The following HPSE2 variants were observed in gnomAD, a reference collection of about 807,000 sequenced individuals.
HPSE2 encodes the protein heparanase 2 (inactive), also known as inactive heparanase-2.
HPSE2 carries 38 observed loss-of-function variants against 60.5 expected under a neutral mutation model. The ratio of observed to expected loss-of-function variants is 0.63; its 90% CI spans 0.48 to 0.82. The LOEUF is 0.82. HPSE2 is among the 40% of genes least tolerant of loss of function. The pLI is 0.00. For missense variants in HPSE2, 713 were observed against 740.4 expected, an observed-to-expected ratio of 0.96 and a Z score of 0.43; for synonymous variants, 295 against 293.2, an observed-to-expected ratio of 1.01 and a Z score of -0.06.
intron 3 of HPSE2, among the ~76,000 whole-genome samples, chr10:99,129,558 C>T (rs372317661): frequency 1.8e-4 from 27 of 151,822 alleles, no homozygotes; most frequent in East Asian, 7.7e-4. Flanking sequence ...GAAATCAAGA[C>T]GGAAATTTTT....
intron 6 of HPSE2, among the ~76,000 whole-genome samples, chr10:98,648,060 A>G (rs1485877649): frequency 2.0e-5 from 3 of 152,334 alleles, no homozygotes; most frequent in African/African-American, 7.2e-5. Context: ...TGAAAGAATG[A>G]GTGCCTGTAT....
At chr10:98,550,562 A>G (rs574084580) in intron 9 of HPSE2, among the ~76,000 whole-genome samples, 1 of 149,326 alleles carries the variant, frequency 6.7e-6, no homozygotes, top group East Asian at 2.0e-4. Flanking sequence ...TCCACCTCCC[A>G]GGTTCATGCC....
At chr10:98,557,001 G>C (rs1350546653) in intron 9 of HPSE2, among the ~76,000 whole-genome samples, 1 of 150,620 alleles carries the variant, frequency 6.6e-6, no homozygotes, top group East Asian at 2.0e-4. Context: ...CTCGAGGTCA[G>C]GAGATTGAGA....
At position 98,476,742 on chromosome 10, in the gene HPSE2, A is replaced by G. The variant is rs1941039063; in HGVS notation, c.1613+5894T>C. Among the ~76,000 whole-genome samples the G allele has an allele frequency of 2.0e-5, 3 of 152,116 alleles. No homozygotes were observed. The South Asian group carries it at 6.2e-4, about 32-fold the overall frequency. The stretch of plus-strand genomic sequence containing the variant: ...GGGGCAGAGGTTGCAGTGAGCTGAG[A>G]TCACACCACTGCACTCCAGCCTGGG... On this transcript the variant is annotated intron_variant, in intron 11 of 11. Coordinates refer to ENST00000370552, the MANE Select transcript of HPSE2 (RefSeq NM_021828.5).
intron 2 of HPSE2, among the ~76,000 whole-genome samples, chr10:99,170,358 C>G (rs956289461): frequency 5.3e-5 from 8 of 152,136 alleles, no homozygotes; most frequent in African/African-American, 1.9e-4. Context: ...CAAGTCTGCT[C>G]CAGCTCCCTC....
intron 9 of HPSE2, among the ~76,000 whole-genome samples, chr10:98,596,306 CA>C (rs1163404934): frequency 6.7e-6 from 1 of 149,762 alleles, no homozygotes; most frequent in Non-Finnish European, 1.5e-5. Context: ...TATCCCCTAA[CA>C]AATTATTGTT....
chr10:99,084,572 T>C (rs1486831849), intron 3 of HPSE2, among the ~76,000 whole-genome samples: 2 of 152,172 alleles, frequency 1.3e-5, no homozygotes, highest in Admixed American at 6.5e-5. Flanking sequence ...TGAGTTTCCC[T>C]GGGGAACCAT....
At chr10:98,873,979 T>G (rs2134844580) in intron 3 of HPSE2, among the ~76,000 whole-genome samples, 1 of 152,314 alleles carries the variant, frequency 6.6e-6, no homozygotes, top group East Asian at 1.9e-4. Context: ...TTGAGCTTTT[T>G]TTCATATGTT....
intron 6 of HPSE2, among the ~76,000 whole-genome samples, chr10:98,679,640 A>C (rs1268474835): frequency 6.6e-6 from 1 of 152,050 alleles, no homozygotes; most frequent in Non-Finnish European, 1.5e-5. Flanking sequence ...TTGAAGTCCT[A>C]ATGTTTTTCT....
intron 5 of HPSE2, among the ~76,000 whole-genome samples, chr10:98,715,721 A>G (rs1948774584): frequency 6.6e-6 from 1 of 152,096 alleles, no homozygotes; most frequent in African/African-American, 2.4e-5. Flanking sequence ...ACCTTAATTC[A>G]AAATACTTTA....
Position 99,024,119 on chromosome 10 carries a change from T to G in HPSE2, c.610+120119A>C, listed in dbSNP as rs191166754. Among the ~76,000 whole-genome samples, 901 of 152,316 alleles carry G rather than the reference T, an allele frequency of 5.9e-3. 10 individuals carry two copies. Among genetic ancestry groups the G allele is most frequent in the African/African-American group, 0.02 (842 of 41,580 alleles). On this transcript the variant is annotated intron_variant, in intron 3 of 11. Transcript: ENST00000370552. The stretch of plus-strand genomic sequence containing the variant: ...ATAACCCAGAGAAGGAATTCAGAAT[T>G]CTATCAGATACATTTAACAAAGAGA...
At chr10:98,900,187 T>C (rs1406803869) in intron 3 of HPSE2, among the ~76,000 whole-genome samples, 1 of 152,132 alleles carries the variant, frequency 6.6e-6, no homozygotes, top group Non-Finnish European at 1.5e-5. Context: ...AACTCAAATG[T>C]CCATCAATAA....
chr10:98,514,003 A>G (rs10883113), intron 9 of HPSE2, among the ~76,000 whole-genome samples: 70,927 of 152,028 alleles, frequency 0.47, 19,582 homozygotes, highest in South Asian at 0.63. Context: ...AAACAGCCCA[A>G]GAGTCCATCA....
chr10:99,152,551 C>T (rs1003624367), intron 2 of HPSE2, among the ~76,000 whole-genome samples: 1 of 151,716 alleles, frequency 6.6e-6, no homozygotes, highest in African/African-American at 2.4e-5. Flanking sequence ...TTAGTTATAC[C>T]ATATATAGAT....
intron 9 of HPSE2, among the ~76,000 whole-genome samples, chr10:98,600,888 T>C (rs1250842041): frequency 3.4e-5 from 4 of 116,612 alleles, no homozygotes; most frequent in Non-Finnish European, 5.4e-5. Context: ...TATATACATA[T>C]ATACGTATAT....
chr10:99,034,177 C>T (rs1283262223), intron 3 of HPSE2, among the ~76,000 whole-genome samples: 1 of 152,018 alleles, frequency 6.6e-6, no homozygotes, highest in African/African-American at 2.4e-5. Context: ...ATTTATGCAA[C>T]AACATAGATA....
At chr10:98,894,670 A>T (rs1179188337) in intron 3 of HPSE2, among the ~76,000 whole-genome samples, 2 of 152,170 alleles carry the variant, frequency 1.3e-5, no homozygotes, top group Non-Finnish European at 2.9e-5. Flanking sequence ...CATATGTCCA[A>T]ACAAAATTTC....
At chr10:99,013,472 T>C (rs750994102) in intron 3 of HPSE2, 6 of 422,202 alleles carry the variant, frequency 1.4e-5, no homozygotes, top group Non-Finnish European at 2.3e-5. Context: ...ATTATGATTA[T>C]GATTATTATT....
Position 98,989,502 on chromosome 10 carries a change from G to T in HPSE2, c.610+154736C>A, listed in dbSNP as rs1176151675. 3.4e-5 allele frequency among the ~76,000 whole-genome samples: 5 copies of T among 146,606 alleles called. No homozygotes were observed. The South Asian group carries it at 6.7e-4, about 20-fold the overall frequency. On this transcript the variant is annotated intron_variant, in intron 3 of 11. Coordinates refer to ENST00000370552, the MANE Select transcript of HPSE2 (RefSeq NM_021828.5). ...CAAACACCGGGGACTGTTGTGGGGT[G>T]GGGGGAGGGGGGAGGGATAGCATTA...
Sources: allele counts gnomAD v4.1 joint callset (sites outside exome capture counted in the v4.1 genomes callset), GRCh38; gene constraint gnomAD v4.1.1; transcripts MANE v1.5; gene names NCBI Gene and HGNC (gene_info 2026-07-23, HGNC 2026-07-21).